Variants in FAAH2 observed in about 807,000 individuals in gnomAD.
FAAH2 encodes the protein fatty acid amide hydrolase 2, also known as fatty-acid amide hydrolase 2.
In FAAH2, 60 loss-of-function variants were observed where a neutral mutation model predicts 36.9. That is an observed-to-expected ratio of 1.63 (90% confidence interval 1.32 to 2.02). FAAH2 has a LOEUF of 2.02. Among genes scored for constraint, FAAH2 ranks in the 30% most tolerant of loss-of-function variants. The pLI is 0.00. For synonymous variants in FAAH2, 214 were observed against 143.8 expected (o/e 1.49, Z -3.49); for missense variants, 689 against 397.5 (o/e 1.73, Z -6.23).
intron 7 of FAAH2, chrX:57,394,303 G>A (rs1399186003): frequency 1.8e-5 from 17 of 971,091 alleles, no homozygotes; most frequent in Non-Finnish European, 2.5e-5. Context: ...CTTCTCCCAG[G>A]GGTGTTGGAG....
At chrX:57,278,243 G>A in the FAAH2 span, among the ~76,000 whole-genome samples, 1 of 111,431 alleles carries the variant, frequency 9.0e-6, no homozygotes, top group Non-Finnish European at 1.9e-5. Context: ...CAATGGAACA[G>A]AACAGAACAG....
the FAAH2 span, chrX:57,135,566 T>C: frequency 8.0e-6 from 4 of 497,421 alleles, no homozygotes; most frequent in Admixed American, 1.7e-4. Context: ...ACAGCCGAAA[T>C]TGACAGCTGT....
chrX:57,469,483 A>G (rs1397921832), intron 10 of FAAH2, among the ~76,000 whole-genome samples: 2 of 111,768 alleles, frequency 1.8e-5, no homozygotes, highest in Non-Finnish European at 3.8e-5. Flanking sequence ...AAACCAACAA[A>G]CATCAAAAGA....
the FAAH2 span, among the ~76,000 whole-genome samples, chrX:57,274,569 G>C: frequency 8.9e-6 from 1 of 111,985 alleles, no homozygotes; most frequent in African/African-American, 3.2e-5. Flanking sequence ...GATCAAGTTG[G>C]CTTCATACCT....
chrX:57,145,461 T>A, the FAAH2 span, among the ~76,000 whole-genome samples: 1 of 112,043 alleles, frequency 8.9e-6, no homozygotes, highest in Non-Finnish European at 1.9e-5. Context: ...ATATTAGTCC[T>A]CTGTTGGATG....
At chrX:57,473,515 G>A (rs932372183) in intron 10 of FAAH2, among the ~76,000 whole-genome samples, 3 of 111,212 alleles carry the variant, frequency 2.7e-5, no homozygotes, top group African/African-American at 9.8e-5. Context: ...TGTTGTGTAT[G>A]CTATAGTGTA....
At chrX:57,287,091 G>C in intron 1 of FAAH2, 74 bp downstream of exon 1, 1 of 1,030,993 alleles carries the variant, frequency 9.7e-7, no homozygotes, top group East Asian at 3.5e-5. Flanking sequence ...TGGTGGCGGT[G>C]GTTGTGGTTT....
intron 8 of FAAH2, among the ~76,000 whole-genome samples, chrX:57,445,294 C>G (rs759689025): frequency 1.8e-5 from 2 of 111,362 alleles, no homozygotes; most frequent in African/African-American, 6.5e-5. Flanking sequence ...GGGAAAATTT[C>G]CTGGGTCACC....
chrX:57,212,487 T>C, the FAAH2 span, among the ~76,000 whole-genome samples: 3 of 111,425 alleles, frequency 2.7e-5, no homozygotes, highest in African/African-American at 9.8e-5. Flanking sequence ...ATTCAGGATA[T>C]GAAATAAGAA....
chrX:57,339,902 G>T (rs1423927481), intron 4 of FAAH2, among the ~76,000 whole-genome samples: 1 of 111,384 alleles, frequency 9.0e-6, no homozygotes, highest in African/African-American at 3.3e-5. Context: ...TACTGGGTGT[G>T]TTAGTCAGGG....
intron 10 of FAAH2, among the ~76,000 whole-genome samples, chrX:57,482,684 C>T (rs750770930): frequency 3.1e-4 from 32 of 103,121 alleles, no homozygotes; most frequent in African/African-American, 1.0e-3. Flanking sequence ...TGCTTGTATT[C>T]GGCCATCTTG....
chrX:57,136,707 CT>C, the FAAH2 span: 1 of 207,454 alleles, frequency 4.8e-6, no homozygotes, highest in African/African-American at 4.0e-5. Flanking sequence ...TAAGTTTCCC[CT>C]AGGAGCCTGG....
chrX:57,278,306 T>C, the FAAH2 span, among the ~76,000 whole-genome samples: 1 of 111,445 alleles, frequency 9.0e-6, no homozygotes, highest in Admixed American at 9.5e-5. Context: ...TTGACAAACC[T>C]GACAATAACA....
At chrX:57,229,911 A>G in the FAAH2 span, among the ~76,000 whole-genome samples, 1 of 111,774 alleles carries the variant, frequency 8.9e-6, no homozygotes, top group Non-Finnish European at 1.9e-5. Flanking sequence ...ATCCCTGTAG[A>G]TAAGATTTCA....
intron 3 of FAAH2, among the ~76,000 whole-genome samples, chrX:57,325,778 CA>C (rs1249112124): frequency 3.8e-5 from 2 of 51,997 alleles, no homozygotes; most frequent in Non-Finnish European, 7.0e-5. Context: ...TTGATCTTTT[CA>C]AAAAACCAGC....
intron 7 of FAAH2, among the ~76,000 whole-genome samples, chrX:57,423,134 C>A (rs1007938785): frequency 8.9e-6 from 1 of 112,021 alleles, no homozygotes; most frequent in Non-Finnish European, 1.9e-5. Context: ...TTGGGAAGTG[C>A]TTTGTGTGCA....
At chrX:57,423,698 T>C (rs1417705989) in intron 7 of FAAH2, among the ~76,000 whole-genome samples, 1 of 111,332 alleles carries the variant, frequency 9.0e-6, no homozygotes, top group Non-Finnish European at 1.9e-5. Flanking sequence ...CTAACTCCTG[T>C]CTGGGCTGGT....
intron 3 of FAAH2, among the ~76,000 whole-genome samples, chrX:57,319,500 C>A (rs977709365): frequency 9.0e-6 from 1 of 111,639 alleles, no homozygotes; most frequent in Non-Finnish European, 1.9e-5. Context: ...AACTACAAAC[C>A]ACTGCTCAAG....
intron 7 of FAAH2, among the ~76,000 whole-genome samples, chrX:57,420,156 G>A (rs1179405998): frequency 9.0e-6 from 1 of 111,669 alleles, no homozygotes; most frequent in Non-Finnish European, 1.9e-5. Context: ...GTAGCATGAT[G>A]CCTCCAGCTT....
Sources: gnomAD v4.1 joint callset for allele counts (sites outside exome capture counted in the v4.1 genomes callset) on GRCh38, gnomAD v4.1.1 for gene constraint, MANE v1.5 for transcripts, NCBI Gene and HGNC (gene_info 2026-07-23, HGNC 2026-07-21) for gene names.